Variants in MCC observed in about 807,000 individuals in gnomAD.
MCC encodes MCC regulator of Wnt signaling pathway.
In MCC, 90 loss-of-function variants were observed where a neutral mutation model predicts 116.2. The ratio of observed to expected loss-of-function variants is 0.77; its 90% confidence interval spans 0.65 to 0.92. The LOEUF (loss-of-function observed/expected upper bound fraction) is 0.92, where lower values mean the gene tolerates loss of function less well. MCC is among the 40% of genes least tolerant of loss of function. MCC has a pLI of 0.00. For synonymous variants in MCC, 578 were observed against 510.5 expected, an observed-to-expected ratio of 1.13 and a Z score of -1.78; for missense variants, 1,516 against 1,312.2, an observed-to-expected ratio of 1.16 and a Z score of -2.40.
Position 113,027,443 on chromosome 5 carries a change from A to G in MCC, c.2919T>C (p.His973=), listed in dbSNP as rs1290910923. The change falls in exon 19 of 19, where the codon CAT becomes CAC. Residue 973 remains histidine (H), a synonymous_variant. Coordinates refer to ENST00000408903, the MANE Select transcript of MCC (RefSeq NM_001085377.2). ...VAAYEKAKKK[H]QNKLKKLESQ... is the part of the protein sequence containing the mutation. ...ACTCTAACTTCTTCAGTTTGTTTTG[A>G]TGCTTTTTCTTTGCTTTCTCATAGG... 6.2e-7 allele frequency: 1 copy of G among 1,614,096 alleles called. No individual in the cohort carries two copies. The highest frequency in any genetic ancestry group is 1.7e-5 in the Admixed American group (1 of 60,012).
At chr5:113,097,672 G>C (rs1581052197) in intron 8 of MCC, among the ~76,000 whole-genome samples, 1 of 152,294 alleles carries the variant, frequency 6.6e-6, no homozygotes, top group Non-Finnish European at 1.5e-5. Flanking sequence ...AAAGAGATGT[G>C]AGGGAAAACA....
chr5:113,469,600 C>T (rs1772019961), intron 1 of MCC, among the ~76,000 whole-genome samples: 1 of 152,110 alleles, frequency 6.6e-6, no homozygotes, highest in African/African-American at 2.4e-5. Flanking sequence ...GCTTTACTTC[C>T]AACTATGTGG....
chr5:113,279,475 A>C (rs995121674), intron 3 of MCC, among the ~76,000 whole-genome samples: 11 of 152,330 alleles, frequency 7.2e-5, no homozygotes, highest in African/African-American at 2.4e-4. Context: ...TTTCATTTCT[A>C]CTGGATTAAG....
chr5:113,072,816 C>A (rs1754131700), intron 11 of MCC, among the ~76,000 whole-genome samples: 1 of 152,208 alleles, frequency 6.6e-6, no homozygotes, highest in Non-Finnish European at 1.5e-5. Context: ...TAGCCCAGCG[C>A]TTTCTTCTGA....
chr5:113,250,999 T>C (rs533924885), intron 3 of MCC, among the ~76,000 whole-genome samples: 4 of 152,364 alleles, frequency 2.6e-5, no homozygotes, highest in Non-Finnish European at 5.9e-5. Context: ...TTTTCCTTAC[T>C]GACTTAAGAG....
intron 1 of MCC, among the ~76,000 whole-genome samples, chr5:113,438,084 T>C (rs1206957503): frequency 6.6e-6 from 1 of 152,204 alleles, no homozygotes. Flanking sequence ...AGTTTTCTAA[T>C]GCAAAATGCA....
At chr5:113,236,252 C>CA (rs1764127081) in intron 3 of MCC, among the ~76,000 whole-genome samples, 1 of 152,000 alleles carries the variant, frequency 6.6e-6, no homozygotes, top group African/African-American at 2.4e-5. Context: ...TATGCCTGAG[C>CA]CTAGGTTTGA....
chr5:113,109,314 G>C (rs1291435420), intron 6 of MCC, among the ~76,000 whole-genome samples: 1 of 152,202 alleles, frequency 6.6e-6, no homozygotes, highest in Non-Finnish European at 1.5e-5. Flanking sequence ...TGAATACAAT[G>C]TAATGTTATT....
intron 1 of MCC, among the ~76,000 whole-genome samples, chr5:113,413,513 T>A (rs1770051489): frequency 6.6e-6 from 1 of 152,338 alleles, no homozygotes; most frequent in African/African-American, 2.4e-5. Flanking sequence ...GGTGTATGTG[T>A]CCAGGAATTT....
Position 113,488,425 on chromosome 5 carries a change from C to A in MCC, c.-11G>T. 1 of 1,403,326 alleles carries A rather than the reference C, an allele frequency of 7.1e-7. No individual in the cohort carries two copies. Among genetic ancestry groups the A allele is most frequent in the Non-Finnish European group, 9.2e-7 (1 of 1,092,210 alleles). 86.9% of individuals were successfully genotyped at this position (1,403,326 alleles called of 1,614,324 possible). A position where few individuals can be genotyped will look rare whatever the true frequency, so the allele number is the denominator to read the frequency against. On this transcript the variant is annotated 5_prime_UTR_variant, in exon 1 of 19. Coordinates refer to ENST00000408903, the MANE Select transcript of MCC (RefSeq NM_001085377.2). ...CGCGGCCGCCATCATGCGCCCGCTC[C>A]CTACTTGGGAGGAGGAGTACGCGCG...
intron 1 of MCC, among the ~76,000 whole-genome samples, chr5:113,394,372 C>A (rs1052446128): frequency 1.3e-5 from 2 of 152,182 alleles, no homozygotes; most frequent in Non-Finnish European, 2.9e-5. Flanking sequence ...CCAACAAATT[C>A]TGTTACTCTT....
intron 8 of MCC, among the ~76,000 whole-genome samples, chr5:113,087,777 T>C (rs1354221108): frequency 6.6e-6 from 1 of 152,064 alleles, no homozygotes; most frequent in Admixed American, 6.5e-5. Context: ...CATCTTTTTT[T>C]TTTTTTTTAT....
intron 3 of MCC, among the ~76,000 whole-genome samples, chr5:113,280,610 TG>T (rs769064847): frequency 1.3e-5 from 2 of 152,012 alleles, no homozygotes; most frequent in Non-Finnish European, 2.9e-5. Flanking sequence ...GAAGGTGACA[TG>T]TTGAGTCTAG....
At chr5:113,392,969 A>C (rs1306803735) in intron 1 of MCC, among the ~76,000 whole-genome samples, 1 of 152,224 alleles carries the variant, frequency 6.6e-6, no homozygotes, top group Non-Finnish European at 1.5e-5. Flanking sequence ...TCTCAAAAAC[A>C]GTAGTGAGTA....
At chr5:113,201,862 C>G (rs1311361047) in intron 3 of MCC, among the ~76,000 whole-genome samples, 1 of 152,080 alleles carries the variant, frequency 6.6e-6, no homozygotes, top group African/African-American at 2.4e-5. Context: ...ACCAGGGGAG[C>G]CAGGAATGAA....
chr5:113,399,046 T>C (rs967666545), intron 1 of MCC, among the ~76,000 whole-genome samples: 3 of 152,212 alleles, frequency 2.0e-5, no homozygotes, highest in African/African-American at 7.2e-5. Flanking sequence ...ACATTTCAGA[T>C]GCTCAGGAGC....
In MCC at chr5:113,101,692, C is replaced by T. The variant is rs1244360735; in HGVS notation, c.1398+47G>A. 4 of 1,596,934 alleles carry T rather than the reference C, an allele frequency of 2.5e-6. No individual in the cohort carries two copies. The African/African-American group carries it at 5.4e-5, about 21-fold the overall frequency. The stretch of plus-strand genomic sequence containing the variant: ...GGTGCTATACACCAGCCTCTCTCAG[C>T]CCCATGCCCAGGAAGGGCCTGACCA... On this transcript the variant is annotated intron_variant, in intron 8 of 18. Transcript: ENST00000408903.
chr5:113,320,589 A>G (rs1411975080), intron 3 of MCC, among the ~76,000 whole-genome samples: 1 of 152,204 alleles, frequency 6.6e-6, no homozygotes, highest in African/African-American at 2.4e-5. Flanking sequence ...TTATTTTAGA[A>G]TTAGGAAAGC....
At chr5:113,149,437 T>C (rs1055051659) in intron 4 of MCC, among the ~76,000 whole-genome samples, 21 of 152,090 alleles carry the variant, frequency 1.4e-4, no homozygotes, top group African/African-American at 4.6e-4. Context: ...ATAAATACTA[T>C]GAAAATAGTA....
Sources: allele counts gnomAD v4.1 joint callset (sites outside exome capture counted in the v4.1 genomes callset), GRCh38; gene constraint gnomAD v4.1.1; transcripts MANE v1.5; gene names NCBI Gene and HGNC (gene_info 2026-07-23, HGNC 2026-07-21).